Variants in IL6R observed in about 807,000 individuals in gnomAD.
The protein encoded by IL6R is interleukin 6 receptor, also known as interleukin-6 receptor subunit alpha.
Under a neutral mutation model 48.3 loss-of-function variants are expected in IL6R, and 38 were observed. That is an observed-to-expected ratio of 0.79 (90% confidence interval 0.61 to 1.03). The LOEUF is 1.03. IL6R is among the 50% of genes least tolerant of loss of function. The probability of loss-of-function intolerance (pLI) is 0.00; values close to 1 mark genes in which losing one functional copy is unlikely to be tolerated. For synonymous variants in IL6R, 264 were observed against 256.2 expected, an observed-to-expected ratio of 1.03 and a Z score of -0.29; for missense variants, 534 against 618.3, an observed-to-expected ratio of 0.86 and a Z score of 1.45.
At chr1:154,407,638 G>A (rs1220818408) in intron 1 of IL6R, among the ~76,000 whole-genome samples, 1 of 152,252 alleles carries the variant, frequency 6.6e-6, no homozygotes, top group Non-Finnish European at 1.5e-5. Flanking sequence ...CTTTAGAGAA[G>A]TGAGGAGCAG....
At chr1:154,445,413 TC>T (rs2149257311) in intron 6 of IL6R, among the ~76,000 whole-genome samples, 1 of 152,184 alleles carries the variant, frequency 6.6e-6, no homozygotes, top group African/African-American at 2.4e-5. Flanking sequence ...GAAACTTTCT[TC>T]CTGAAGCATC....
At chr1:154,454,405 C>A in intron 8 of IL6R, 83 bp from the exon 9 acceptor site, 1 of 881,004 alleles carries the variant, frequency 1.1e-6, no homozygotes, top group Non-Finnish European at 1.8e-6. Flanking sequence ...ACAGCACCAG[C>A]TAAGTGGTTT....
At chr1:154,460,244 C>T (rs937281995) in intron 9 of IL6R, among the ~76,000 whole-genome samples, 2 of 152,130 alleles carry the variant, frequency 1.3e-5, no homozygotes, top group Non-Finnish European at 2.9e-5. Context: ...TCTTTCTGCC[C>T]ACCCTGTGTC....
intron 1 of IL6R, among the ~76,000 whole-genome samples, chr1:154,424,269 T>C (rs1203932022): frequency 6.6e-6 from 1 of 152,236 alleles, no homozygotes; most frequent in Non-Finnish European, 1.5e-5. Flanking sequence ...CTAAGTTCTC[T>C]GATGAGTGAC....
chr1:154,454,661 T>C (rs2149269113), intron 9 of IL6R, 80 bp downstream of exon 9: 5 of 946,220 alleles, frequency 5.3e-6, no homozygotes, highest in Non-Finnish European at 8.5e-6. Context: ...CTGAAATTTA[T>C]GGTGCATTTA....
Position 154,465,194 on chromosome 1 carries a change from G to T in IL6R, c.1221G>T (p.Pro407=). ...LKEGKTSMHP[P]YSLGQLVPER... ...AAGGCAAGACAAGCATGCATCCGCCGTACTCTTTGGGGCAGCTGGTCCCGG... is the reference window on the plus strand; with the variant it reads ...AAGGCAAGACAAGCATGCATCCGCCTTACTCTTTGGGGCAGCTGGTCCCGG... The change falls in exon 10 of 10, where the codon CCG becomes CCT. Residue 407 remains proline (P), a synonymous_variant. Coordinates refer to ENST00000368485, the MANE Select transcript of IL6R (RefSeq NM_000565.4). 5.0e-6 allele frequency: 8 copies of T among 1,614,132 alleles called. No individual in the cohort carries two copies. The highest frequency in any genetic ancestry group is 1.1e-5 in the South Asian group (1 of 91,076).
intron 1 of IL6R, among the ~76,000 whole-genome samples, chr1:154,417,473 A>G (rs867414713): frequency 2.6e-5 from 4 of 152,068 alleles, no homozygotes; most frequent in African/African-American, 9.7e-5. Flanking sequence ...GCAGGTACCA[A>G]TGGCTTTCTT....
chr1:154,443,938 CACCCACCCAGCT>C (rs577479289), intron 6 of IL6R, among the ~76,000 whole-genome samples: 6 of 152,166 alleles, frequency 3.9e-5, no homozygotes, highest in Admixed American at 1.3e-4. Flanking sequence ...GGGGACACCC[CACCCACCCAGCT>C]ACCCAGCCAG....
At chr1:154,419,739 C>T (rs1316329179) in intron 1 of IL6R, among the ~76,000 whole-genome samples, 1 of 152,198 alleles carries the variant, frequency 6.6e-6, no homozygotes, top group Non-Finnish European at 1.5e-5. Context: ...TTTTTGCTGG[C>T]AAGAGCTGCG....
chr1:154,458,652 G>A (rs151017214), intron 9 of IL6R, among the ~76,000 whole-genome samples: 6,673 of 152,236 alleles, frequency 0.044, 195 homozygotes, highest in Non-Finnish European at 0.067. Context: ...TGTGATCCCA[G>A]CACTTTGGGA....
intron 6 of IL6R, among the ~76,000 whole-genome samples, chr1:154,440,934 T>C (rs1689898301): frequency 6.6e-6 from 1 of 152,262 alleles, no homozygotes; most frequent in East Asian, 1.9e-4. Context: ...ATTACAGGCG[T>C]GAGCCACCAC....
At chr1:154,419,597 G>A (rs1276240248) in intron 1 of IL6R, among the ~76,000 whole-genome samples, 1 of 152,206 alleles carries the variant, frequency 6.6e-6, no homozygotes, top group Non-Finnish European at 1.5e-5. Context: ...TGGGCAGCGG[G>A]GACCTGCGTC....
At chr1:154,454,756 G>C (rs1425132661) in intron 9 of IL6R, among the ~76,000 whole-genome samples, 175 bp downstream of exon 9, 2 of 152,152 alleles carry the variant, frequency 1.3e-5, no homozygotes, top group Non-Finnish European at 2.9e-5. Flanking sequence ...TGTTTTAGGT[G>C]CTGCAGGAGA....
At chr1:154,423,260 A>AATAT (rs35079361) in intron 1 of IL6R, among the ~76,000 whole-genome samples, 2,908 of 85,414 alleles carry the variant, frequency 0.034, 259 homozygotes, top group Non-Finnish European at 0.05. Context: ...TGTTTAATTA[A>AATAT]ATATATATAT....
In IL6R at chr1:154,465,128, G is replaced by T. The variant is rs994712229; in HGVS notation, c.1161-6G>T. Reference sequence around the variant, plus strand: ...GTGTGGTTTGTCTTTGTGTGTTTGTGTGAAGGTTCAAGAAGACGTGGAAGC... The same window carrying T: ...GTGTGGTTTGTCTTTGTGTGTTTGTTTGAAGGTTCAAGAAGACGTGGAAGC... On this transcript the variant is annotated splice_region_variant and splice_polypyrimidine_tract_variant and intron_variant, in intron 9 of 9. Transcript: ENST00000368485. 6 of 1,614,074 alleles carry T rather than the reference G, an allele frequency of 3.7e-6. No individual in the cohort carries two copies. In the African/African-American group the frequency reaches 8.0e-5, roughly 22 times the overall value.
At chr1:154,449,461 C>T (rs953833464) in intron 7 of IL6R, among the ~76,000 whole-genome samples, 3 of 152,038 alleles carry the variant, frequency 2.0e-5, no homozygotes, top group South Asian at 2.1e-4. Flanking sequence ...TGCAGTGAGC[C>T]GAGATCATGC....
At chr1:154,463,156 T>G (rs142826032) in intron 9 of IL6R, among the ~76,000 whole-genome samples, 5 of 11,974 alleles carry the variant, frequency 4.2e-4, no homozygotes, top group African/African-American at 8.6e-4. Context: ...GCATAAAGGG[T>G]TTTTTTTTTT....
At chr1:154,444,053 A>G (rs996362414) in intron 6 of IL6R, among the ~76,000 whole-genome samples, 5 of 149,794 alleles carry the variant, frequency 3.3e-5, no homozygotes, top group African/African-American at 1.2e-4. Flanking sequence ...GTTGCACTCC[A>G]CTCTTCGTGC....
At position 154,465,579 on chromosome 1, in the gene IL6R, T is replaced by G; in HGVS notation, c.*199T>G. The G allele has an allele frequency of 1.6e-6, 1 of 620,196 alleles. No homozygotes were observed. 38.4% of individuals were successfully genotyped at this position (620,196 alleles called of 1,614,324 possible). A position where few individuals can be genotyped will look rare whatever the true frequency, so the allele number is the denominator to read the frequency against. On this transcript the variant is annotated 3_prime_UTR_variant, in exon 10 of 10. Transcript: ENST00000368485. ...GTTCAGCTGGTTGAGGTTTCAAACC[T>G]CCCTTTCCAAATGCCCAGCTTAAAG... is the stretch of plus-strand genomic sequence containing the variant.
Sources: gnomAD v4.1 joint callset for allele counts (sites outside exome capture counted in the v4.1 genomes callset) on GRCh38, gnomAD v4.1.1 for gene constraint, MANE v1.5 for transcripts, NCBI Gene and HGNC (gene_info 2026-07-23, HGNC 2026-07-21) for gene names.